The following CTNND2 variants were observed in gnomAD, a reference collection of about 807,000 sequenced individuals.
The protein encoded by CTNND2 is catenin delta-2.
A neutral mutation model predicts 144.4 loss-of-function variants in CTNND2; 22 were observed. That is an observed-to-expected ratio of 0.15 (90% CI 0.11 to 0.22). CTNND2 has a LOEUF of 0.22. CTNND2 is among the 10% of genes least tolerant of loss of function. CTNND2 has a pLI of 1.00. For missense variants in CTNND2, 1,353 were observed against 1,618.8 expected (o/e 0.84, Z 2.82); for synonymous variants, 751 against 695.6 (o/e 1.08, Z -1.25).
intron 2 of CTNND2, among the ~76,000 whole-genome samples, chr5:11,721,380 T>A (rs1356489717): frequency 2.6e-5 from 4 of 151,994 alleles, no homozygotes; most frequent in Non-Finnish European, 4.4e-5. Context: ...AGCTGTTTTT[T>A]TTTAAATTCA....
intron 9 of CTNND2, among the ~76,000 whole-genome samples, chr5:11,302,870 G>A (rs1342636272): frequency 6.6e-6 from 1 of 152,170 alleles, no homozygotes; most frequent in Non-Finnish European, 1.5e-5. Context: ...GAAGTTAGGA[G>A]GAGGAGGACC....
At chr5:11,887,543 T>C (rs1736648488) in intron 1 of CTNND2, among the ~76,000 whole-genome samples, 1 of 152,176 alleles carries the variant, frequency 6.6e-6, no homozygotes, top group African/African-American at 2.4e-5. Context: ...AATTAGGTTG[T>C]AAAAAATAAA....
At chr5:11,851,064 T>C (rs2127004285) in intron 1 of CTNND2, among the ~76,000 whole-genome samples, 1 of 152,280 alleles carries the variant, frequency 6.6e-6, no homozygotes, top group Admixed American at 6.5e-5. Context: ...AGAATTCTCC[T>C]CAAGACTACA....
chr5:11,266,292 A>C (rs1259046387), intron 9 of CTNND2, among the ~76,000 whole-genome samples: 2 of 152,178 alleles, frequency 1.3e-5, no homozygotes, highest in Admixed American at 1.3e-4. Context: ...GCAAAATCAC[A>C]CTGGGCCAAT....
At chr5:11,301,463 G>T (rs1376995081) in intron 9 of CTNND2, among the ~76,000 whole-genome samples, 2 of 152,138 alleles carry the variant, frequency 1.3e-5, no homozygotes, top group African/African-American at 2.4e-5. Context: ...GGTGTGCCAT[G>T]AAGGAACTGT....
chr5:11,167,822 C>G lies in CTNND2; in HGVS notation c.1976-8063G>C, dbSNP rs142738928. On this transcript the variant is annotated intron_variant, in intron 11 of 21. Coordinates refer to ENST00000304623, the MANE Select transcript of CTNND2 (RefSeq NM_001332.4). ...TGAGCCCAAGTGATCCTCCCACCTC[C>G]GCCACTTGAGTAGCTAGGACTTCAT... Among the ~76,000 whole-genome samples, 1,132 of 151,510 alleles carry G rather than the reference C, an allele frequency of 7.5e-3. 11 individuals are homozygous for G. The highest frequency in any genetic ancestry group is 0.022 in the African/African-American group (926 of 41,248).
chr5:11,343,088 A>G (rs32129), intron 9 of CTNND2, among the ~76,000 whole-genome samples: 93,353 of 151,974 alleles, frequency 0.61, 28,982 homozygotes, highest in Admixed American at 0.71. Flanking sequence ...TTCTGTTGGC[A>G]TATAGGATGA....
At chr5:11,181,420 G>C (rs1760982624) in intron 11 of CTNND2, among the ~76,000 whole-genome samples, 1 of 152,152 alleles carries the variant, frequency 6.6e-6, no homozygotes, top group African/African-American at 2.4e-5. Context: ...GAAGCAGCAG[G>C]TGAGATGGCG....
chr5:11,163,315 A>G (rs1164126291), intron 11 of CTNND2, among the ~76,000 whole-genome samples: 1 of 152,216 alleles, frequency 6.6e-6, no homozygotes, highest in African/African-American at 2.4e-5. Context: ...AGAGACCAGC[A>G]TGGCAACGAA....
At chr5:11,453,461 TC>T (rs1349612817) in intron 3 of CTNND2, among the ~76,000 whole-genome samples, 1 of 152,240 alleles carries the variant, frequency 6.6e-6, no homozygotes. Context: ...AAATTTCTTT[TC>T]CATTTTCCCA....
intron 3 of CTNND2, among the ~76,000 whole-genome samples, chr5:11,489,189 C>T (rs1769141249): frequency 6.6e-6 from 1 of 152,176 alleles, no homozygotes; most frequent in Admixed American, 6.5e-5. Context: ...ATTCTACTTG[C>T]TCCACATTCT....
chr5:11,444,766 T>A (rs1764657769), intron 3 of CTNND2, among the ~76,000 whole-genome samples: 1 of 152,110 alleles, frequency 6.6e-6, no homozygotes, highest in South Asian at 2.1e-4. Flanking sequence ...TAAAGACAAA[T>A]AATTGACCAG....
intron 16 of CTNND2, among the ~76,000 whole-genome samples, chr5:11,079,679 T>C (rs886850676): frequency 2.6e-5 from 4 of 152,198 alleles, no homozygotes; most frequent in African/African-American, 9.7e-5. Context: ...CCCAAATACC[T>C]GCATGGCTTC....
chr5:11,464,666 C>T (rs1264525655), intron 3 of CTNND2, among the ~76,000 whole-genome samples: 3 of 152,104 alleles, frequency 2.0e-5, no homozygotes, highest in African/African-American at 7.2e-5. Flanking sequence ...GCAGGCTAGC[C>T]ATGGGGCAGA....
intron 1 of CTNND2, among the ~76,000 whole-genome samples, chr5:11,803,556 G>A (rs1791813671): frequency 6.6e-6 from 1 of 152,178 alleles, no homozygotes; most frequent in Admixed American, 6.5e-5. Flanking sequence ...CTGAACTGAA[G>A]ATGAGAAAAA....
At chr5:11,819,994 G>A (rs1793226181) in intron 1 of CTNND2, among the ~76,000 whole-genome samples, 1 of 152,152 alleles carries the variant, frequency 6.6e-6, no homozygotes, top group Non-Finnish European at 1.5e-5. Flanking sequence ...TCCAATCCCT[G>A]TCTTTCAGGA....
At chr5:10,981,904 T>C (rs749670384) in intron 20 of CTNND2, 58 bp from the exon 21 acceptor site, 95 of 1,439,318 alleles carry the variant, frequency 6.6e-5, no homozygotes, top group Non-Finnish European at 8.6e-5. Context: ...AAATAAGGAA[T>C]AGTTGTTATT....
At chr5:11,142,707 G>C (rs368012602) in intron 12 of CTNND2, among the ~76,000 whole-genome samples, 1 of 149,556 alleles carries the variant, frequency 6.7e-6, no homozygotes, top group Non-Finnish European at 1.5e-5. Context: ...TCCGCCTCCC[G>C]GGTTCACGCC....
chr5:11,111,058 G>C lies in CTNND2; in HGVS notation c.2278-15C>G. On this transcript the variant is annotated splice_polypyrimidine_tract_variant and intron_variant, in intron 13 of 21. Coordinates refer to ENST00000304623, the MANE Select transcript of CTNND2 (RefSeq NM_001332.4). The stretch of plus-strand genomic sequence containing the variant: ...TTTTCAACGGTCTGCAGAAAAGGGG[G>C]AAACAGAGGAAAGAATGAGTAAAAC... The C allele has an allele frequency of 6.2e-7, 1 of 1,606,882 alleles. No homozygotes were observed. The highest frequency in any genetic ancestry group is 8.5e-7 in the Non-Finnish European group (1 of 1,174,304).
Sources: allele counts gnomAD v4.1 joint callset (sites outside exome capture counted in the v4.1 genomes callset), GRCh38; gene constraint gnomAD v4.1.1; transcripts MANE v1.5; gene names NCBI Gene and HGNC (gene_info 2026-07-23, HGNC 2026-07-21).